FABP2: variants seen among roughly 807,000 people sequenced by gnomAD.
FABP2 encodes the protein fatty acid binding protein 2, also known as fatty acid-binding protein, intestinal.
In FABP2, 11 loss-of-function variants were observed where a neutral mutation model predicts 16.1. That is an observed-to-expected ratio of 0.68 (90% CI 0.43 to 1.13). The LOEUF (loss-of-function observed/expected upper bound fraction) is 1.13. Ranked by LOEUF, FABP2 falls within the 50% of genes most tolerant of loss-of-function variation. FABP2 has a pLI of 0.00. For missense variants in FABP2, 146 were observed against 155.1 expected (o/e 0.94, Z 0.31); for synonymous variants, 45 against 50.9 (o/e 0.88, Z 0.49).
intron 1 of FABP2, among the ~76,000 whole-genome samples, 183 bp downstream of exon 1, chr4:119,321,853 G>C (rs912453810): frequency 6.6e-6 from 1 of 152,142 alleles, no homozygotes; most frequent in African/African-American, 2.4e-5. Context: ...TAGTGAGATA[G>C]TGGATTCTTC....
chr4:119,319,050 T>A lies in FABP2; in HGVS notation c.390A>T (p.Lys130Asn). The A allele has an allele frequency of 6.2e-7, 1 of 1,602,388 alleles. No homozygotes were observed. Among genetic ancestry groups the A allele is most frequent in the Non-Finnish European group, 8.5e-7 (1 of 1,175,008 alleles). The change falls in exon 4 of 4, where the codon AAA becomes AAT. Residue 130 changes from lysine to asparagine, a missense_variant. Coordinates refer to ENST00000274024, the MANE Select transcript of FABP2 (RefSeq NM_000134.4). ...YEGVEAKRIFKKD is the reference protein window; with the variant it reads ...YEGVEAKRIFNKD Reference sequence around the variant, plus strand: ...GCGCCAAGAATAATGCTCAATCCTTTTTAAAGATCCTTTTGGCTTCTACTC... The same window carrying A: ...GCGCCAAGAATAATGCTCAATCCTTATTAAAGATCCTTTTGGCTTCTACTC...
chr4:119,319,668 A>G, intron 2 of FABP2, 25 bp from the exon 3 acceptor site: 1 of 1,019,180 alleles, frequency 9.8e-7, no homozygotes, highest in South Asian at 2.5e-5. Flanking sequence ...TAATAATAAT[A>G]ATAATAATAA....
rs1274962001 is a variant in FABP2 at position 119,317,459 on chromosome 4, G to A, written c.*1582C>T. 1 of 152,002 alleles carries A rather than the reference G, an allele frequency of 6.6e-6. No homozygotes were observed. The highest frequency in any genetic ancestry group is 1.5e-5 in the Non-Finnish European group (1 of 67,970). 9.4% of individuals were successfully genotyped at this position (152,002 alleles called of 1,614,324 possible). On this transcript the variant is annotated 3_prime_UTR_variant, in exon 4 of 4. Transcript: ENST00000274024. ...TTATTCTACACTCTGGTGTGTCCATGTGTATACATTATTTAGCTCCCACTT... is the reference window on the plus strand; with the variant it reads ...TTATTCTACACTCTGGTGTGTCCATATGTATACATTATTTAGCTCCCACTT...
chr4:119,321,384 A>C (rs930600578), intron 1 of FABP2, among the ~76,000 whole-genome samples: 3 of 152,102 alleles, frequency 2.0e-5, no homozygotes, highest in African/African-American at 7.2e-5. Flanking sequence ...AACTTTTATA[A>C]ATTTAAACTT....
chr4:119,320,876 C>T, intron 1 of FABP2, 34 bp from the exon 2 acceptor site: 1 of 1,496,592 alleles, frequency 6.7e-7, no homozygotes, highest in South Asian at 1.3e-5. Context: ...AAAATAAAGT[C>T]AAATCCCATA....
Position 119,320,758 on chromosome 4 carries a change from T to C in FABP2, c.152A>G (p.Lys51Arg), listed in dbSNP as rs1553986133. 6.2e-7 allele frequency: 1 copy of C among 1,606,472 alleles called. No individual in the cohort carries two copies. Among genetic ancestry groups the C allele is most frequent in the South Asian group, 1.1e-5 (1 of 89,260 alleles). ...ITQEGNKFTV[K>R]ESSTFRNIEV... ...AATGTTTCGAAAAGTGCTTGATTCT[T>C]TGACTGTGAATTTATTTCCTTCTTG... Residue 51 changes from lysine to arginine, a missense_variant, in exon 2 of 4, where the codon AAA becomes AGA. Coordinates refer to ENST00000274024, the MANE Select transcript of FABP2 (RefSeq NM_000134.4).
At chr4:119,321,936 T>C (rs1239752468) in intron 1 of FABP2, 100 bp downstream of exon 1, 2 of 910,050 alleles carry the variant, frequency 2.2e-6, no homozygotes, top group Non-Finnish European at 3.5e-6. Context: ...CATCAGGAGC[T>C]ATCTGTAAGC....
chr4:119,319,662 A>T lies in FABP2; in HGVS notation c.241-19T>A. 1 of 1,008,938 alleles carries T rather than the reference A, an allele frequency of 9.9e-7. No homozygotes were observed. Among genetic ancestry groups the T allele is most frequent in the Non-Finnish European group, 1.3e-6 (1 of 752,336 alleles). The allele number at this position is 1,008,938 out of a possible 1,614,324, so 62.5% of individuals were successfully genotyped here. On this transcript the variant is annotated intron_variant, in intron 2 of 3. Transcript: ENST00000274024. Reference sequence around the variant, plus strand: ...AGGTCCCCTACATAATAATAATAATAATAATAATAATAATAATGGCATTTA... The same window carrying T: ...AGGTCCCCTACATAATAATAATAATTATAATAATAATAATAATGGCATTTA...
chr4:119,318,960 G>T lies in FABP2; in HGVS notation c.*81C>A. 1 of 1,104,370 alleles carries T rather than the reference G, an allele frequency of 9.1e-7. No individual in the cohort carries two copies. Among genetic ancestry groups the T allele is most frequent in the East Asian group, 2.6e-5 (1 of 37,990 alleles). The allele number at this position is 1,104,370 out of a possible 1,614,324, so 68.4% of individuals were successfully genotyped here. A position where few individuals can be genotyped will look rare whatever the true frequency, so the allele number is the denominator to read the frequency against. On this transcript the variant is annotated 3_prime_UTR_variant, in exon 4 of 4. Transcript: ENST00000274024. ...CCAATCAATCAGTAACCTTATACTT[G>T]ATGGGGTGAAATAAATAGTTCTGGT...
In FABP2 at chr4:119,319,004, C is replaced by T; in HGVS notation, c.*37G>A. The T allele has an allele frequency of 1.3e-6, 2 of 1,538,116 alleles. No individual in the cohort carries two copies. The highest frequency in any genetic ancestry group is 1.2e-5 in the South Asian group (1 of 85,218). Reference sequence around the variant, plus strand: ...TTCTGGTACAATATAGATCTTCTGTCCAATTTGTATTTTGGACTGTGCGCC... The same window carrying T: ...TTCTGGTACAATATAGATCTTCTGTTCAATTTGTATTTTGGACTGTGCGCC... On this transcript the variant is annotated 3_prime_UTR_variant, in exon 4 of 4. Coordinates refer to ENST00000274024, the MANE Select transcript of FABP2 (RefSeq NM_000134.4).
At chr4:119,321,982 G>GA in intron 1 of FABP2, 54 bp downstream of exon 1, 1 of 1,456,684 alleles carries the variant, frequency 6.9e-7, no homozygotes, top group Non-Finnish European at 9.6e-7. Context: ...GAGTTAGAAA[G>GA]AAAAATGTTT....
At position 119,318,356 on chromosome 4, in the gene FABP2, C is replaced by G. The variant is rs1434361591; in HGVS notation, c.*685G>C. 2.0e-5 allele frequency: 3 copies of G among 151,854 alleles called. No homozygotes were observed. The highest frequency in any genetic ancestry group is 4.4e-5 in the Non-Finnish European group (3 of 67,936). The allele number at this position is 151,854 out of a possible 1,614,324, so 9.4% of individuals were successfully genotyped here. ...TTTTTATAATAATAGATATTACTTA[C>G]AACCAGTGCCAGAAAATTATTCACA... On this transcript the variant is annotated 3_prime_UTR_variant, in exon 4 of 4. Transcript: ENST00000274024.
chr4:119,318,949 A>G lies in FABP2; in HGVS notation c.*92T>C. On this transcript the variant is annotated 3_prime_UTR_variant, in exon 4 of 4. Transcript: ENST00000274024. ...TTATAAAAGGACCAATCAATCAGTA[A>G]CCTTATACTTGATGGGGTGAAATAA... is the stretch of plus-strand genomic sequence containing the variant. 5 of 969,682 alleles carry G rather than the reference A, an allele frequency of 5.2e-6. No individual in the cohort carries two copies. Among genetic ancestry groups the G allele is most frequent in the South Asian group, 1.6e-5 (1 of 63,638 alleles). The allele number at this position is 969,682 out of a possible 1,614,324, so 60.1% of individuals were successfully genotyped here.
At position 119,317,531 on chromosome 4, in the gene FABP2, C is replaced by G. The variant is rs897186853; in HGVS notation, c.*1510G>C. The G allele has an allele frequency of 6.6e-6, 1 of 152,062 alleles. No individual in the cohort carries two copies. Among genetic ancestry groups the G allele is most frequent in the African/African-American group, 2.4e-5 (1 of 41,428 alleles). 9.4% of individuals were successfully genotyped at this position (152,062 alleles called of 1,614,324 possible). On this transcript the variant is annotated 3_prime_UTR_variant, in exon 4 of 4. Transcript: ENST00000274024. ...TCAGCTTTCAAAGATTACATACTCT[C>G]TATTCATTTTCATCAGGTACTCAAA...
intron 1 of FABP2, among the ~76,000 whole-genome samples, 166 bp from the exon 2 acceptor site, chr4:119,321,008 C>T (rs1052839988): frequency 6.6e-6 from 1 of 152,004 alleles, no homozygotes; most frequent in African/African-American, 2.4e-5. Context: ...CAGGTTCAAT[C>T]AGATCAAGAG....
Position 119,320,758 on chromosome 4 carries a change from T to G in FABP2, c.152A>C (p.Lys51Thr). The change falls in exon 2 of 4, where the codon AAA (lysine) becomes ACA (threonine). Residue 51 changes from lysine to threonine, a missense_variant. Coordinates refer to ENST00000274024, the MANE Select transcript of FABP2 (RefSeq NM_000134.4). ...AATGTTTCGAAAAGTGCTTGATTCT[T>G]TGACTGTGAATTTATTTCCTTCTTG... The part of the protein sequence containing the change: ...ITQEGNKFTV[K>T]ESSTFRNIEV... 2 of 1,606,472 alleles carry G rather than the reference T, an allele frequency of 1.2e-6. No homozygotes were observed. The highest frequency in any genetic ancestry group is 1.7e-6 in the Non-Finnish European group (2 of 1,177,520).
intron 1 of FABP2, among the ~76,000 whole-genome samples, chr4:119,321,649 C>G (rs1755671279): frequency 6.6e-6 from 1 of 152,098 alleles, no homozygotes; most frequent in Non-Finnish European, 1.5e-5. Flanking sequence ...TTTTCCATTA[C>G]TTTCTTATAT....
chr4:119,320,108 T>C (rs1280343762), intron 2 of FABP2, among the ~76,000 whole-genome samples: 1 of 152,216 alleles, frequency 6.6e-6, no homozygotes, highest in East Asian at 1.9e-4. Context: ...AGTAGTTAAA[T>C]TGTCATTACA....
chr4:119,319,559 T>C lies in FABP2; in HGVS notation c.325A>G (p.Ile109Val). 1.3e-6 allele frequency: 2 copies of C among 1,565,600 alleles called. No homozygotes were observed. Among genetic ancestry groups the C allele is most frequent in the Non-Finnish European group, 1.7e-6 (2 of 1,155,964 alleles). ...ACCTGGACTAGTTCATCACCTATAA[T>C]TTCTCGGACAGTATTCAGTTCGTTT... Reference protein sequence around the residue: ...NGNELNTVREIIGDELVQTYV... With the variant: ...NGNELNTVREVIGDELVQTYV... Residue 109 changes from isoleucine to valine, a missense_variant, in exon 3 of 4, where the codon ATT (isoleucine) becomes GTT (valine). Coordinates refer to ENST00000274024, the MANE Select transcript of FABP2 (RefSeq NM_000134.4).
Sources: gnomAD v4.1 joint callset for allele counts (sites outside exome capture counted in the v4.1 genomes callset) on GRCh38, gnomAD v4.1.1 for gene constraint, MANE v1.5 for transcripts, NCBI Gene and HGNC (gene_info 2026-07-23, HGNC 2026-07-21) for gene names.